Variants in ABCC4 observed in about 807,000 individuals in gnomAD.
ABCC4 encodes ATP-binding cassette sub-family C member 4.
Under a neutral mutation model 168.5 loss-of-function variants are expected in ABCC4, and 102 were observed. That is an observed-to-expected ratio of 0.61 (90% CI 0.52 to 0.71). ABCC4 has a LOEUF of 0.71. ABCC4 is among the 30% of genes least tolerant of loss of function. ABCC4 has a pLI of 0.00. For missense variants in ABCC4, 1,402 were observed against 1,605.8 expected (o/e 0.87, Z 2.17); for synonymous variants, 617 against 590.7 (o/e 1.04, Z -0.65).
chr13:95,206,146 T>C (rs2038772817), intron 8 of ABCC4, among the ~76,000 whole-genome samples: 1 of 152,194 alleles, frequency 6.6e-6, no homozygotes, highest in African/African-American at 2.4e-5. Context: ...CAGCAAGCTC[T>C]TTCCTTCCAG....
intron 1 of ABCC4, among the ~76,000 whole-genome samples, chr13:95,276,424 A>G (rs1419425535): frequency 7.5e-6 from 1 of 133,472 alleles, no homozygotes; most frequent in African/African-American, 2.6e-5. Flanking sequence ...CAAAAAAAAA[A>G]AAAAAAAAAG....
chr13:95,175,229 C>A (rs2037629104), intron 13 of ABCC4, among the ~76,000 whole-genome samples: 1 of 152,166 alleles, frequency 6.6e-6, no homozygotes, highest in South Asian at 2.1e-4. Context: ...ATGGACTGAA[C>A]CATGCTCCCC....
chr13:95,211,499 A>T (rs1449406855), intron 4 of ABCC4, among the ~76,000 whole-genome samples: 4 of 152,148 alleles, frequency 2.6e-5, no homozygotes, highest in Non-Finnish European at 5.9e-5. Flanking sequence ...CCTAGCTAGG[A>T]CAGAAGTACG....
At chr13:95,101,335 A>C (rs2034798091) in intron 20 of ABCC4, among the ~76,000 whole-genome samples, 1 of 150,712 alleles carries the variant, frequency 6.6e-6, no homozygotes, top group South Asian at 2.1e-4. Context: ...TCAGTTATTT[A>C]AGCTCAGTCA....
At chr13:95,293,867 A>C (rs1309179806) in intron 1 of ABCC4, among the ~76,000 whole-genome samples, 2 of 147,736 alleles carry the variant, frequency 1.4e-5, no homozygotes, top group Non-Finnish European at 3.0e-5. Flanking sequence ...TGCAGCCTCC[A>C]CCTCCTGGGT....
chr13:95,299,810 C>T (rs1053488779), intron 1 of ABCC4, among the ~76,000 whole-genome samples: 27 of 152,104 alleles, frequency 1.8e-4, no homozygotes, highest in African/African-American at 5.1e-4. Context: ...AAGGTTCAGG[C>T]TTATGTAGTT....
intron 26 of ABCC4, among the ~76,000 whole-genome samples, chr13:95,062,471 G>A (rs145312551): frequency 1.5e-5 from 2 of 134,552 alleles, no homozygotes; most frequent in African/African-American, 5.7e-5. Context: ...ATCTATCTGC[G>A]TAAGTTATTA....
At chr13:95,066,478 CA>C (rs200718321) in intron 25 of ABCC4, among the ~76,000 whole-genome samples, 12 of 151,700 alleles carry the variant, frequency 7.9e-5, no homozygotes, top group African/African-American at 2.4e-4. Flanking sequence ...TGGTGTCCTG[CA>C]AAAAAAACCA....
intron 11 of ABCC4, among the ~76,000 whole-genome samples, chr13:95,184,497 A>G (rs1447402835): frequency 6.6e-6 from 1 of 152,186 alleles, no homozygotes; most frequent in Non-Finnish European, 1.5e-5. Context: ...TTGAACTGCA[A>G]ATGTTCAAGT....
At chr13:95,129,435 TG>T (rs2035886721) in intron 19 of ABCC4, among the ~76,000 whole-genome samples, 1 of 152,216 alleles carries the variant, frequency 6.6e-6, no homozygotes, top group African/African-American at 2.4e-5. Flanking sequence ...TTTTTTCAGA[TG>T]GACTGCAAAT....
intron 21 of ABCC4, among the ~76,000 whole-genome samples, chr13:95,080,521 C>A (rs1291578741): frequency 6.6e-6 from 1 of 152,120 alleles, no homozygotes; most frequent in Admixed American, 6.6e-5. Flanking sequence ...CCTCAGCCTG[C>A]CAAGTGCAAT....
intron 19 of ABCC4, among the ~76,000 whole-genome samples, chr13:95,149,908 G>C (rs540904938): frequency 6.6e-6 from 1 of 152,306 alleles, no homozygotes; most frequent in South Asian, 2.1e-4. Context: ...GAAGTTCAGA[G>C]AGAAGTCTGA....
chr13:95,108,249 G>C (rs911782931), intron 20 of ABCC4, among the ~76,000 whole-genome samples: 2 of 152,120 alleles, frequency 1.3e-5, no homozygotes, highest in African/African-American at 4.8e-5. Context: ...AATATCATAG[G>C]CTCATATTAA....
At chr13:95,210,911 C>T in intron 4 of ABCC4, 130 bp from the exon 5 acceptor site, 3 of 601,868 alleles carry the variant, frequency 5.0e-6, no homozygotes, top group Middle Eastern at 3.7e-4. Context: ...CCCCACCCCC[C>T]CACTGCCCCC....
intron 11 of ABCC4, 93 bp from the exon 12 acceptor site, chr13:95,178,184 G>T: frequency 9.0e-7 from 1 of 1,110,920 alleles, no homozygotes; most frequent in Non-Finnish European, 1.4e-6. Flanking sequence ...CCTAAACTTT[G>T]CACATTAGTT....
At chr13:95,049,720 C>T (rs547235678) in intron 27 of ABCC4, among the ~76,000 whole-genome samples, 1 of 152,160 alleles carries the variant, frequency 6.6e-6, no homozygotes, top group South Asian at 2.1e-4. Context: ...GGACTGTCTC[C>T]CTCCAGATGC....
chr13:95,076,548 C>T (rs1425200330), intron 21 of ABCC4, among the ~76,000 whole-genome samples: 2 of 150,664 alleles, frequency 1.3e-5, no homozygotes, highest in South Asian at 2.1e-4. Flanking sequence ...CGCCCTGCCC[C>T]GACCTGCCCC....
At chr13:95,094,148 C>T (rs1199301684) in intron 20 of ABCC4, among the ~76,000 whole-genome samples, 1 of 151,702 alleles carries the variant, frequency 6.6e-6, no homozygotes, top group Non-Finnish European at 1.5e-5. Context: ...CAAAATACCA[C>T]CATCATTCTG....
intron 20 of ABCC4, among the ~76,000 whole-genome samples, chr13:95,110,152 T>C (rs1247151927): frequency 6.6e-6 from 1 of 151,754 alleles, no homozygotes; most frequent in Admixed American, 6.6e-5. Flanking sequence ...CTACTAAAAA[T>C]ACAAAAATTA....
Sources: gnomAD v4.1 joint callset for allele counts (sites outside exome capture counted in the v4.1 genomes callset) on GRCh38, gnomAD v4.1.1 for gene constraint, MANE v1.5 for transcripts, NCBI Gene and HGNC (gene_info 2026-07-23, HGNC 2026-07-21) for gene names.